ASCC3: variants seen among roughly 807,000 people sequenced by gnomAD.
The protein encoded by ASCC3 is ASC-1 complex subunit P200.
ASCC3 carries 158 observed loss-of-function variants against 256.3 expected under a neutral mutation model. That is an observed-to-expected ratio of 0.62 (90% CI 0.54 to 0.70). The LOEUF (loss-of-function observed/expected upper bound fraction) is 0.70, where lower values mean the gene tolerates loss of function less well. Among genes scored for constraint, ASCC3 ranks in the 30% least tolerant of loss-of-function variants. The probability of loss-of-function intolerance (pLI) is 0.00; values close to 1 mark genes in which losing one functional copy is unlikely to be tolerated. For synonymous variants in ASCC3, 948 were observed against 883.4 expected (o/e 1.07, Z -1.30); for missense variants, 2,259 against 2,626.0 (o/e 0.86, Z 3.05).
intron 23 of ASCC3, 32 bp from the exon 24 acceptor site, chr6:100,642,781 G>A (rs1171640845): frequency 1.3e-6 from 2 of 1,570,474 alleles, no homozygotes; most frequent in African/African-American, 2.7e-5. Context: ...AATAAATATG[G>A]ATATTCTAAT....
intron 36 of ASCC3, among the ~76,000 whole-genome samples, chr6:100,586,734 C>T (rs371906431): frequency 6.6e-6 from 1 of 152,088 alleles, no homozygotes; most frequent in East Asian, 1.9e-4. Context: ...TGGCTCCTCC[C>T]CCTACATCAG....
At chr6:100,724,148 C>CAAAAAAAAAAAA (rs574759618) in intron 11 of ASCC3, among the ~76,000 whole-genome samples, 2 of 126,328 alleles carry the variant, frequency 1.6e-5, no homozygotes, top group African/African-American at 3.0e-5. Context: ...TACAAAAAAA[C>CAAAAAAAAAAAA]AAAAAAAAAA....
intron 37 of ASCC3, among the ~76,000 whole-genome samples, chr6:100,520,747 A>T (rs1774262762): frequency 6.6e-6 from 1 of 152,174 alleles, no homozygotes; most frequent in South Asian, 2.1e-4. Context: ...AACATGCTAT[A>T]CAGGCTCATA....
intron 14 of ASCC3, among the ~76,000 whole-genome samples, chr6:100,665,230 A>T (rs1054628811): frequency 6.6e-6 from 1 of 152,156 alleles, no homozygotes; most frequent in African/African-American, 2.4e-5. Flanking sequence ...CCAACTTGGT[A>T]TATCTCTCTG....
In ASCC3 at chr6:100,840,812, T is replaced by C. The variant is rs13437407; in HGVS notation, c.801+7336A>G. On this transcript the variant is annotated intron_variant, in intron 4 of 41. Transcript: ENST00000369162. ...AATAATGGTGGGTTCACAGATGATA[T>C]AGTTCCTGCATTCTGCTTATACAAG... 4.8e-3 allele frequency among the ~76,000 whole-genome samples: 735 copies of C among 152,170 alleles called. 9 individuals are homozygous for C. Among genetic ancestry groups the C allele is most frequent in the African/African-American group, 0.017 (711 of 41,530 alleles).
chr6:100,767,495 T>G, intron 8 of ASCC3, 150 bp from the exon 9 acceptor site: 1 of 800,786 alleles, frequency 1.2e-6, no homozygotes, highest in South Asian at 1.7e-5. Context: ...CGGAGGTATA[T>G]GCAGTTGAGA....
intron 36 of ASCC3, among the ~76,000 whole-genome samples, chr6:100,554,620 A>T (rs910823443): frequency 2.6e-5 from 4 of 152,164 alleles, no homozygotes; most frequent in African/African-American, 7.2e-5. Context: ...CGTTAAAACA[A>T]ACCAAAATTA....
At chr6:100,757,750 ACTGGATAGGGACATCAGGAAAGAG>A (rs1301926207) in intron 10 of ASCC3, among the ~76,000 whole-genome samples, 1 of 152,202 alleles carries the variant, frequency 6.6e-6, no homozygotes, top group Non-Finnish European at 1.5e-5. Flanking sequence ...AAGAAGTAGG[ACTGGATAGGGACATCAGGAAAGAG>A]CTGGCAGGGA....
chr6:100,797,488 A>C lies in ASCC3; in HGVS notation c.1395+1225T>G, dbSNP rs573649140. Among the ~76,000 whole-genome samples, 44 of 148,456 alleles carry C rather than the reference A, an allele frequency of 3.0e-4. 1 individual carries two copies. The highest frequency in any genetic ancestry group is 1.0e-3 in the African/African-American group (43 of 41,178). ...AAAAAAAAAAAAAATGAAAAAAAAAAAAAACTTAAAATTAAATATTTAATA... is the reference window on the plus strand; with the variant it reads ...AAAAAAAAAAAAAATGAAAAAAAAACAAAACTTAAAATTAAATATTTAATA... On this transcript the variant is annotated intron_variant, in intron 8 of 41. Coordinates refer to ENST00000369162, the MANE Select transcript of ASCC3 (RefSeq NM_006828.4).
chr6:100,851,546 A>G (rs2114512592), intron 3 of ASCC3, among the ~76,000 whole-genome samples: 1 of 152,298 alleles, frequency 6.6e-6, no homozygotes, highest in South Asian at 2.1e-4. Flanking sequence ...ACAAAGATCA[A>G]CTTTTTTGGA....
At chr6:100,729,029 A>G (rs1779770778) in intron 10 of ASCC3, among the ~76,000 whole-genome samples, 1 of 152,174 alleles carries the variant, frequency 6.6e-6, no homozygotes. Context: ...GAAACTTTTG[A>G]CAAAGTTTGC....
chr6:100,607,819 A>G lies in ASCC3; in HGVS notation c.4786-731T>C, dbSNP rs180675599. Among the ~76,000 whole-genome samples the G allele has an allele frequency of 6.6e-5, 10 of 151,582 alleles. No homozygotes were observed. The East Asian group carries it at 1.9e-3, about 29-fold the overall frequency. The stretch of plus-strand genomic sequence containing the variant: ...TCTCAAAACTCTGAATATTATTTAA[A>G]AAATCAAACTGGTGTATTTTTGTTT... On this transcript the variant is annotated intron_variant, in intron 30 of 41. Coordinates refer to ENST00000369162, the MANE Select transcript of ASCC3 (RefSeq NM_006828.4).
intron 36 of ASCC3, among the ~76,000 whole-genome samples, chr6:100,564,087 AAT>A (rs1399811062): frequency 6.6e-6 from 1 of 151,362 alleles, no homozygotes; most frequent in Non-Finnish European, 1.5e-5. Flanking sequence ...GTTTCACTAT[AAT>A]GTTTTTATTT....
chr6:100,867,307 ACT>A (rs1179083015), intron 2 of ASCC3, among the ~76,000 whole-genome samples: 1 of 152,200 alleles, frequency 6.6e-6, no homozygotes, highest in African/African-American at 2.4e-5. Context: ...GTCAGTCTTT[ACT>A]ATAAATGTCA....
intron 4 of ASCC3, among the ~76,000 whole-genome samples, chr6:100,834,042 G>T (rs1346718698): frequency 6.6e-6 from 1 of 152,122 alleles, no homozygotes; most frequent in Non-Finnish European, 1.5e-5. Context: ...CCCCAGCCTG[G>T]GTGACAGTGT....
At chr6:100,661,706 T>C (rs1776228643) in intron 16 of ASCC3, 100 bp downstream of exon 16, 10 of 1,209,634 alleles carry the variant, frequency 8.3e-6, no homozygotes, top group Non-Finnish European at 1.2e-5. Context: ...TAGGCTGTAA[T>C]CCTAAACACT....
At chr6:100,740,014 T>G (rs914888193) in intron 10 of ASCC3, among the ~76,000 whole-genome samples, 6 of 152,148 alleles carry the variant, frequency 3.9e-5, no homozygotes, top group African/African-American at 1.4e-4. Context: ...GTTCTTTTAG[T>G]TGACATATTA....
At chr6:100,581,202 T>C (rs1184309329) in intron 36 of ASCC3, among the ~76,000 whole-genome samples, 1 of 152,170 alleles carries the variant, frequency 6.6e-6, no homozygotes, top group African/African-American at 2.4e-5. Flanking sequence ...CCACCAACAG[T>C]GTAAAAGTGT....
At chr6:100,766,124 A>G (rs1347138780) in intron 10 of ASCC3, among the ~76,000 whole-genome samples, 2 of 152,208 alleles carry the variant, frequency 1.3e-5, no homozygotes, top group Non-Finnish European at 2.9e-5. Context: ...TGCATGATTT[A>G]ATAATAATAA....
Sources: allele counts gnomAD v4.1 joint callset (sites outside exome capture counted in the v4.1 genomes callset), GRCh38; gene constraint gnomAD v4.1.1; transcripts MANE v1.5; gene names NCBI Gene and HGNC (gene_info 2026-07-23, HGNC 2026-07-21).